Variants in ANKRD30B observed in about 807,000 individuals in gnomAD.
The protein encoded by ANKRD30B is ankyrin repeat domain 30B, also known as ankyrin repeat domain-containing protein 30B.
Under a neutral mutation model 202.2 loss-of-function variants are expected in ANKRD30B, and 144 were observed. The observed-to-expected ratio is 0.71, with a 90% CI of 0.62 to 0.82. The LOEUF is 0.82. ANKRD30B is among the 40% of genes least tolerant of loss of function. The pLI, the probability that ANKRD30B is intolerant of heterozygous loss-of-function variation, is 0.00. For missense variants in ANKRD30B, 1,487 were observed against 1,669.1 expected, an observed-to-expected ratio of 0.89 and a Z score of 1.90; for synonymous variants, 508 against 561.3, an observed-to-expected ratio of 0.91 and a Z score of 1.34.
At chr18:14,903,847 C>A in the ANKRD30B span, 2 of 152,250 alleles carry the variant, frequency 1.3e-5, no homozygotes, top group Admixed American at 6.5e-5. Flanking sequence ...AATCCTTAAG[C>A]ACATTCCCAA....
At chr18:14,864,421 A>G in the ANKRD30B span, among the ~76,000 whole-genome samples, 3 of 152,200 alleles carry the variant, frequency 2.0e-5, no homozygotes, top group African/African-American at 4.8e-5. Context: ...GTGGAAGAGT[A>G]TTAAAAAATC....
At chr18:14,755,065 C>A (rs1237770113) in intron 4 of ANKRD30B, 60 bp downstream of exon 4, 33 of 917,936 alleles carry the variant, frequency 3.6e-5, no homozygotes, top group Non-Finnish European at 4.9e-5. Flanking sequence ...AGTAATAATG[C>A]TCAAGTCAGA....
the ANKRD30B span, among the ~76,000 whole-genome samples, chr18:14,897,511 A>G: frequency 2.6e-5 from 4 of 152,136 alleles, no homozygotes; most frequent in Non-Finnish European, 5.9e-5. Context: ...AATTGTGTAC[A>G]TTCTTGGGAA....
chr18:14,840,042 G>C (rs1295110609), intron 36 of ANKRD30B, among the ~76,000 whole-genome samples: 4 of 152,014 alleles, frequency 2.6e-5, no homozygotes, highest in Non-Finnish European at 4.4e-5. Flanking sequence ...TATTTTCCTT[G>C]CTCAGTAACC....
At chr18:14,849,027 T>C in intron 40 of ANKRD30B, 98 bp downstream of exon 40, 1 of 1,333,230 alleles carries the variant, frequency 7.5e-7, no homozygotes, top group Non-Finnish European at 9.6e-7. Context: ...GAGATTTAAC[T>C]GGAGAAAAAA....
intron 36 of ANKRD30B, among the ~76,000 whole-genome samples, chr18:14,837,880 G>A (rs1353417292): frequency 2.0e-5 from 3 of 152,114 alleles, no homozygotes; most frequent in Admixed American, 1.3e-4. Flanking sequence ...GCTGGGCATG[G>A]TGGCGGGCAC....
chr18:14,850,002 CT>C (rs577301451), intron 40 of ANKRD30B, among the ~76,000 whole-genome samples: 125 of 151,224 alleles, frequency 8.3e-4, no homozygotes, highest in African/African-American at 3.0e-3. Flanking sequence ...AACTTTCTAA[CT>C]AGAAGAAGTT....
At chr18:14,887,532 A>G in the ANKRD30B span, among the ~76,000 whole-genome samples, 4 of 152,062 alleles carry the variant, frequency 2.6e-5, no homozygotes, top group African/African-American at 7.2e-5. Flanking sequence ...ACATATTTGT[A>G]TTGTTCTGTG....
Position 14,852,234 on chromosome 18 carries a change from G to T in ANKRD30B, c.4290G>T (p.Arg1430Ser). Residue 1430 changes from arginine to serine, a missense_variant, in exon 42 of 44, where the codon AGG becomes AGT. Physicochemically the swap from Arg to Ser is moderately radical, Grantham distance 110. This residue lies in a region of ANKRD30B where 182 missense variants were observed against 216.0 expected (regional missense o/e 0.84). Coordinates refer to ENST00000690538, the MANE Select transcript of ANKRD30B (RefSeq NM_001367607.2). ...TATTTCAACTAGAAAGCAAAAATAG[G>T]TGGCTTCGACAGCAATTAGTTTATG... ...QKLFQLESKN[R>S]WLRQQLVYAH... is the part of the protein sequence containing the mutation. The T allele has an allele frequency of 6.4e-7, 1 of 1,571,694 alleles. No homozygotes were observed. The highest frequency in any genetic ancestry group is 2.4e-5 in the East Asian group (1 of 41,460).
chr18:14,766,574 T>C (rs1213850136), intron 7 of ANKRD30B, among the ~76,000 whole-genome samples: 1 of 151,876 alleles, frequency 6.6e-6, no homozygotes, highest in Non-Finnish European at 1.5e-5. Flanking sequence ...CCAACCATTT[T>C]CTTTACATAT....
intron 14 of ANKRD30B, among the ~76,000 whole-genome samples, chr18:14,786,258 C>T (rs1968079699): frequency 6.6e-6 from 1 of 152,006 alleles, no homozygotes; most frequent in Admixed American, 6.6e-5. Flanking sequence ...TCTTATGTGC[C>T]TGAGAACTCC....
intron 18 of ANKRD30B, 74 bp downstream of exon 18, chr18:14,796,489 TC>T (rs1968905638): frequency 6.9e-7 from 1 of 1,445,710 alleles, no homozygotes; most frequent in African/African-American, 1.4e-5. Context: ...AGGCTTTTAT[TC>T]CCAATGTTGT....
At chr18:14,757,770 T>A (rs1319500870) in intron 4 of ANKRD30B, 45 bp from the exon 5 acceptor site, 1 of 1,592,586 alleles carries the variant, frequency 6.3e-7, no homozygotes, top group South Asian at 1.1e-5. Context: ...TAGGCACATA[T>A]TAAATTGATT....
At chr18:14,878,014 A>G in the ANKRD30B span, 298 of 152,272 alleles carry the variant, frequency 2.0e-3, no homozygotes, top group African/African-American at 6.9e-3. Flanking sequence ...CTTTGCTTAA[A>G]CATGCCTATT....
At chr18:14,832,103 C>T (rs1970976921) in intron 34 of ANKRD30B, among the ~76,000 whole-genome samples, 1 of 152,126 alleles carries the variant, frequency 6.6e-6, no homozygotes, top group Non-Finnish European at 1.5e-5. Flanking sequence ...ATGGTGCATG[C>T]CTGTAGTTCC....
chr18:14,820,208 A>T (rs1382499586), intron 30 of ANKRD30B, among the ~76,000 whole-genome samples: 1 of 152,128 alleles, frequency 6.6e-6, no homozygotes, highest in Non-Finnish European at 1.5e-5. Context: ...TTGTACATTG[A>T]TTTTGTATCC....
intron 11 of ANKRD30B, among the ~76,000 whole-genome samples, chr18:14,782,212 C>G (rs1393457739): frequency 2.0e-5 from 3 of 151,854 alleles, no homozygotes; most frequent in African/African-American, 7.3e-5. Flanking sequence ...TTTTTTGGTG[C>G]AGAAGATAAA....
intron 30 of ANKRD30B, among the ~76,000 whole-genome samples, chr18:14,818,480 T>C (rs998729369): frequency 2.7e-5 from 4 of 150,900 alleles, no homozygotes; most frequent in Non-Finnish European, 4.4e-5. Context: ...CATCTACCAT[T>C]AGGTATATCT....
chr18:14,772,716 T>G (rs1967085366), intron 9 of ANKRD30B, among the ~76,000 whole-genome samples: 2 of 151,578 alleles, frequency 1.3e-5, no homozygotes, highest in South Asian at 2.1e-4. Flanking sequence ...AGGGTTTTTT[T>G]TTTTTTTTTT....
Sources: gnomAD v4.1 joint callset for allele counts (sites outside exome capture counted in the v4.1 genomes callset) on GRCh38, gnomAD v4.1.1 for gene constraint, gnomAD v4.1.1 regional missense constraint, MANE v1.5 for transcripts, NCBI Gene and HGNC (gene_info 2026-07-23, HGNC 2026-07-21) for gene names.